The following MAF variants were observed in gnomAD, a reference collection of about 807,000 sequenced individuals.
MAF encodes MAF bZIP transcription factor, also known as transcription factor Maf.
MAF carries 10 observed loss-of-function variants against 22.0 expected under a neutral mutation model. That is an observed-to-expected ratio of 0.45 (90% CI 0.28 to 0.77). MAF has a LOEUF of 0.77. Ranked by LOEUF, MAF falls within the 30% of genes least tolerant of loss-of-function variation. The probability of loss-of-function intolerance (pLI) is 0.12; values close to 1 mark genes in which losing one functional copy is unlikely to be tolerated. For missense variants in MAF, 544 were observed against 548.4 expected (o/e 0.99, Z 0.08); for synonymous variants, 337 against 255.8 (o/e 1.32, Z -3.03).
At chr16:79,455,344 CTTTGA>C in the MAF span, among the ~76,000 whole-genome samples, 5 of 152,088 alleles carry the variant, frequency 3.3e-5, no homozygotes, top group African/African-American at 7.2e-5. Flanking sequence ...AAACGATGCT[CTTTGA>C]TTTATTTTGT....
the MAF span, among the ~76,000 whole-genome samples, chr16:79,560,773 C>T: frequency 1.3e-5 from 2 of 152,150 alleles, no homozygotes; most frequent in Non-Finnish European, 2.9e-5. Flanking sequence ...TTCTGAAAGC[C>T]CATTCACGTT....
chr16:79,236,361 C>T, the MAF span, among the ~76,000 whole-genome samples: 1 of 151,938 alleles, frequency 6.6e-6, no homozygotes, highest in Admixed American at 6.6e-5. Context: ...TTGAGGGGAG[C>T]TCCTGTACGT....
chr16:79,562,064 A>G, the MAF span, among the ~76,000 whole-genome samples: 16,244 of 152,142 alleles, frequency 0.11, 978 homozygotes, highest in Middle Eastern at 0.17. Context: ...CAGCGTTCTA[A>G]CACATTCCTT....
At chr16:79,427,333 T>C in the MAF span, among the ~76,000 whole-genome samples, 104,745 of 152,146 alleles carry the variant, frequency 0.69, 37,001 homozygotes, top group East Asian at 1. Context: ...TGCTTGTCCA[T>C]CTGCCATATC....
the MAF span, among the ~76,000 whole-genome samples, chr16:79,555,381 C>G: frequency 6.6e-6 from 1 of 152,106 alleles, no homozygotes; most frequent in Non-Finnish European, 1.5e-5. Context: ...GATACCTGAT[C>G]CCTTCTCACC....
the MAF span, among the ~76,000 whole-genome samples, chr16:79,390,334 A>G: frequency 6.6e-6 from 1 of 152,098 alleles, no homozygotes. Flanking sequence ...GCTGCAGGAG[A>G]TAAGTGATAT....
At chr16:79,472,889 G>A in the MAF span, among the ~76,000 whole-genome samples, 1 of 152,010 alleles carries the variant, frequency 6.6e-6, no homozygotes, top group Admixed American at 6.6e-5. Flanking sequence ...TCCTGTCCTG[G>A]AGAGATTTGG....
At chr16:79,250,359 G>A in the MAF span, among the ~76,000 whole-genome samples, 1 of 152,236 alleles carries the variant, frequency 6.6e-6, no homozygotes, top group Non-Finnish European at 1.5e-5. Context: ...AGAGCAAGAA[G>A]GTCAAACTGA....
At chr16:79,344,032 C>A in the MAF span, among the ~76,000 whole-genome samples, 1 of 152,174 alleles carries the variant, frequency 6.6e-6, no homozygotes, top group African/African-American at 2.4e-5. Context: ...ACAGAAGTAT[C>A]TGCATTCAAA....
the MAF span, among the ~76,000 whole-genome samples, chr16:79,476,029 C>A: frequency 6.6e-6 from 1 of 152,158 alleles, no homozygotes; most frequent in Non-Finnish European, 1.5e-5. Context: ...GGGAGATGAT[C>A]CTAGGTGGGC....
At chr16:79,345,724 C>A in the MAF span, among the ~76,000 whole-genome samples, 2 of 31,250 alleles carry the variant, frequency 6.4e-5, no homozygotes, top group African/African-American at 1.1e-4. Context: ...AAGACTCCGT[C>A]TCAAAAAAAA....
chr16:79,593,598 T>A (rs1217143958), downstream of MAF, among the ~76,000 whole-genome samples: 3 of 152,230 alleles, frequency 2.0e-5, no homozygotes, highest in Non-Finnish European at 4.4e-5. Context: ...TCCCAGGTAG[T>A]TATGGCTTTG....
chr16:79,309,855 C>T, the MAF span, among the ~76,000 whole-genome samples: 17 of 152,164 alleles, frequency 1.1e-4, no homozygotes, highest in African/African-American at 3.1e-4. Flanking sequence ...CCCCACAACT[C>T]GGCTCCCAGC....
the MAF span, among the ~76,000 whole-genome samples, chr16:79,480,221 CACGGAAAGG>C: frequency 6.6e-6 from 1 of 152,126 alleles, no homozygotes; most frequent in African/African-American, 2.4e-5. Flanking sequence ...ACCCATGGCA[CACGGAAAGG>C]ACTGCTCAAA....
the MAF span, among the ~76,000 whole-genome samples, chr16:79,434,340 G>T: frequency 3.9e-5 from 6 of 152,342 alleles, no homozygotes; most frequent in East Asian, 1.2e-3. Context: ...TCACCATGGA[G>T]AGAGGGGGAA....
At chr16:79,422,325 G>T in the MAF span, among the ~76,000 whole-genome samples, 2 of 152,274 alleles carry the variant, frequency 1.3e-5, no homozygotes, top group South Asian at 4.1e-4. Context: ...TTTCCTTTCT[G>T]CACGGGCCAG....
chr16:79,422,230 A>T, the MAF span, among the ~76,000 whole-genome samples: 1 of 152,200 alleles, frequency 6.6e-6, no homozygotes, highest in African/African-American at 2.4e-5. Flanking sequence ...TCGTTCTAAG[A>T]ACCTTATTCA....
the MAF span, among the ~76,000 whole-genome samples, chr16:79,467,651 G>A: frequency 6.6e-6 from 1 of 152,094 alleles, no homozygotes; most frequent in Non-Finnish European, 1.5e-5. Flanking sequence ...TGATAGAAAT[G>A]CAGATTCTCA....
chr16:79,344,049 T>C, the MAF span, among the ~76,000 whole-genome samples: 1 of 152,316 alleles, frequency 6.6e-6, no homozygotes, highest in African/African-American at 2.4e-5. Context: ...CAAAAGAAAC[T>C]CTGTGAGCAT....
Sources: allele counts gnomAD v4.1 joint callset (sites outside exome capture counted in the v4.1 genomes callset), GRCh38; gene constraint gnomAD v4.1.1; transcripts MANE v1.5; gene names NCBI Gene and HGNC (gene_info 2026-07-23, HGNC 2026-07-21).